DLG2: variants seen among roughly 807,000 people sequenced by gnomAD.
DLG2 encodes disks large homolog 2.
Under a neutral mutation model 132.5 loss-of-function variants are expected in DLG2, and 45 were observed. The observed-to-expected ratio is 0.34, with a 90% CI of 0.27 to 0.44. The LOEUF is 0.44. DLG2 is among the 20% of genes least tolerant of loss of function. The probability of loss-of-function intolerance (pLI) is 1.00; values close to 1 mark genes in which losing one functional copy is unlikely to be tolerated. For missense variants in DLG2, 1,045 were observed against 1,196.9 expected, an observed-to-expected ratio of 0.87 and a Z score of 1.87; for synonymous variants, 424 against 419.6, an observed-to-expected ratio of 1.01 and a Z score of -0.13.
intron 6 of DLG2, among the ~76,000 whole-genome samples, chr11:84,942,613 AT>A (rs1405702757): frequency 1.3e-5 from 2 of 152,164 alleles, no homozygotes; most frequent in South Asian, 2.1e-4. Context: ...ATTTTTTAAA[AT>A]TTTTTAAGGC....
At chr11:83,734,338 C>CCCTCCCTT (rs2091527337) in intron 18 of DLG2, among the ~76,000 whole-genome samples, 1 of 95,260 alleles carries the variant, frequency 1.0e-5, no homozygotes, top group Non-Finnish European at 2.1e-5. Flanking sequence ...CACTAATTTT[C>CCCTCCCTT]CCTTCCTTCC....
intron 8 of DLG2, among the ~76,000 whole-genome samples, chr11:84,168,989 T>C (rs2095747561): frequency 6.6e-6 from 1 of 152,212 alleles, no homozygotes; most frequent in South Asian, 2.1e-4. Context: ...TACAGTGTGA[T>C]ACTCGGTAGG....
intron 7 of DLG2, chr11:84,273,016 T>G (rs1283770950): frequency 1.2e-5 from 9 of 722,558 alleles, no homozygotes; most frequent in Non-Finnish European, 1.8e-5. Context: ...ATATTTAGCC[T>G]GAATGAGAAC....
At chr11:84,506,588 A>C (rs1031386044) in intron 7 of DLG2, among the ~76,000 whole-genome samples, 1 of 152,214 alleles carries the variant, frequency 6.6e-6, no homozygotes, top group African/African-American at 2.4e-5. Context: ...AGGCTTCAGA[A>C]CATAGCCCTT....
chr11:84,228,053 T>C (rs1469026200), intron 8 of DLG2, among the ~76,000 whole-genome samples: 7 of 152,188 alleles, frequency 4.6e-5, no homozygotes, highest in African/African-American at 1.7e-4. Flanking sequence ...TAAATCAGTA[T>C]CACAAACTAT....
intron 6 of DLG2, among the ~76,000 whole-genome samples, chr11:84,974,596 C>A (rs1478833130): frequency 6.6e-6 from 1 of 152,178 alleles, no homozygotes; most frequent in Non-Finnish European, 1.5e-5. Flanking sequence ...GAACAAGACA[C>A]GTCTTCAGTT....
At chr11:85,500,249 C>T (rs982052187) in intron 3 of DLG2, among the ~76,000 whole-genome samples, 1 of 151,642 alleles carries the variant, frequency 6.6e-6, no homozygotes, top group African/African-American at 2.4e-5. Context: ...TCAGCAAAGT[C>T]TAAAGTTACA....
At chr11:85,125,951 A>G (rs2152387481) in intron 5 of DLG2, among the ~76,000 whole-genome samples, 1 of 152,314 alleles carries the variant, frequency 6.6e-6, no homozygotes, top group Non-Finnish European at 1.5e-5. Flanking sequence ...ATGTGTGGAA[A>G]TGTGGCATAA....
At chr11:83,461,688 G>C (rs898377697) in intron 27 of DLG2, 1 of 247,672 alleles carries the variant, frequency 4.0e-6, no homozygotes. Flanking sequence ...ATATCAGGGA[G>C]ATAGTTTAAT....
At chr11:83,777,884 T>C (rs185699986) in intron 18 of DLG2, among the ~76,000 whole-genome samples, 2 of 152,266 alleles carry the variant, frequency 1.3e-5, no homozygotes, top group Middle Eastern at 3.4e-3. Context: ...CTAAACTTCA[T>C]AGAACATCAG....
chr11:84,622,464 G>A (rs1245979349), intron 6 of DLG2, among the ~76,000 whole-genome samples: 2 of 152,030 alleles, frequency 1.3e-5, no homozygotes, highest in Non-Finnish European at 2.9e-5. Context: ...TCCTTCATAA[G>A]AGTCTGATCC....
At chr11:83,969,337 T>A (rs2090880151) in intron 12 of DLG2, among the ~76,000 whole-genome samples, 1 of 152,182 alleles carries the variant, frequency 6.6e-6, no homozygotes, top group Non-Finnish European at 1.5e-5. Flanking sequence ...AAAAGTAGAA[T>A]AAATTCCAAA....
At chr11:85,234,960 T>C (rs933797823) in intron 4 of DLG2, among the ~76,000 whole-genome samples, 1 of 151,988 alleles carries the variant, frequency 6.6e-6, no homozygotes, top group South Asian at 2.1e-4. Context: ...CGTGTTACTA[T>C]ATATGCATCT....
At chr11:85,330,792 T>TAAAAA (rs56995757) in intron 3 of DLG2, among the ~76,000 whole-genome samples, 107 of 116,350 alleles carry the variant, frequency 9.2e-4, no homozygotes, top group East Asian at 1.5e-3. Context: ...AAAAAAAAAT[T>TAAAAA]AAAAAAAAAA....
At chr11:84,878,087 A>G (rs560511551) in intron 6 of DLG2, among the ~76,000 whole-genome samples, 10 of 152,320 alleles carry the variant, frequency 6.6e-5, no homozygotes, top group African/African-American at 2.4e-4. Flanking sequence ...TATGTGAAGA[A>G]ATAGGAATGT....
chr11:84,731,028 AGTTT>A (rs2063090622), intron 6 of DLG2, among the ~76,000 whole-genome samples: 1 of 152,050 alleles, frequency 6.6e-6, no homozygotes, highest in African/African-American at 2.4e-5. Context: ...TCTTATGTCC[AGTTT>A]GTTTAAAATA....
At chr11:85,477,574 T>C (rs778586020) in intron 3 of DLG2, among the ~76,000 whole-genome samples, 1 of 152,222 alleles carries the variant, frequency 6.6e-6, no homozygotes, top group Non-Finnish European at 1.5e-5. Context: ...CTGGCTAGTG[T>C]TTCTGAGTTA....
intron 18 of DLG2, among the ~76,000 whole-genome samples, chr11:83,735,368 C>T (rs2091757539): frequency 6.6e-6 from 1 of 152,200 alleles, no homozygotes; most frequent in Admixed American, 6.5e-5. Context: ...TTCTACTGCA[C>T]AGGCAGAGAG....
intron 3 of DLG2, among the ~76,000 whole-genome samples, chr11:85,416,230 T>C (rs1565459462): frequency 1.3e-5 from 2 of 152,182 alleles, no homozygotes; most frequent in Non-Finnish European, 2.9e-5. Flanking sequence ...CATTAGTCTA[T>C]TGTCAAAGAT....
Sources: allele counts gnomAD v4.1 joint callset (sites outside exome capture counted in the v4.1 genomes callset), GRCh38; gene constraint gnomAD v4.1.1; transcripts MANE v1.5; gene names NCBI Gene and HGNC (gene_info 2026-07-23, HGNC 2026-07-21).